DNAH12: variants seen among roughly 807,000 people sequenced by gnomAD.
DNAH12 encodes dynein axonemal heavy chain 12.
In DNAH12, 285 loss-of-function variants were observed where a neutral mutation model predicts 371.5. The observed-to-expected ratio is 0.77, with a 90% CI of 0.70 to 0.85. The LOEUF (loss-of-function observed/expected upper bound fraction) is 0.85, where lower values mean the gene tolerates loss of function less well. DNAH12 is among the 40% of genes least tolerant of loss of function. The pLI is 0.00. For missense variants in DNAH12, 3,611 were observed against 3,689.4 expected, an observed-to-expected ratio of 0.98 and a Z score of 0.55; for synonymous variants, 1,200 against 1,213.0, an observed-to-expected ratio of 0.99 and a Z score of 0.22.
At chr3:57,427,906 G>A (rs1419398651) in intron 34 of DNAH12, among the ~76,000 whole-genome samples, 1 of 151,760 alleles carries the variant, frequency 6.6e-6, no homozygotes, top group Non-Finnish European at 1.5e-5. Flanking sequence ...ATCAATTTCT[G>A]GTTTTTGGGT....
chr3:57,508,371 CG>C lies in DNAH12; in HGVS notation c.701+10del. The C allele has an allele frequency of 6.4e-7, 1 of 1,573,444 alleles. No individual in the cohort carries two copies. Among genetic ancestry groups the C allele is most frequent in the Non-Finnish European group, 8.6e-7 (1 of 1,164,878 alleles). The stretch of plus-strand genomic sequence containing the variant: ...GGAGACATTCAAATTTTAAATTAAA[CG>C]GGATTTTACCTAATTCCTGTGAAGT... On this transcript the variant is annotated intron_variant, in intron 7 of 73. Coordinates refer to ENST00000495027, the MANE Select transcript of DNAH12 (RefSeq NM_001366028.2).
chr3:57,325,879 T>C (rs1238861801), intron 62 of DNAH12, among the ~76,000 whole-genome samples: 1 of 152,090 alleles, frequency 6.6e-6, no homozygotes, highest in Admixed American at 6.5e-5. Context: ...TTAAAGGAGC[T>C]GATGGAGCTG....
rs139067822 is a variant in DNAH12 at position 57,474,111 on chromosome 3, T to C, written c.1651-1440A>G. 6.9e-3 allele frequency among the ~76,000 whole-genome samples: 1,043 copies of C among 152,262 alleles called. 7 individuals carry two copies. The highest frequency in any genetic ancestry group is 0.022 in the African/African-American group (919 of 41,558). On this transcript the variant is annotated intron_variant, in intron 13 of 73. Transcript: ENST00000495027. ...CATCCACTGCTATTCAACATTGTACTAGAGTCCCAGACAGTCCATTGTTGC... is the reference window on the plus strand; with the variant it reads ...CATCCACTGCTATTCAACATTGTACCAGAGTCCCAGACAGTCCATTGTTGC...
At chr3:57,304,661 AC>A (rs1165352496) in intron 69 of DNAH12, among the ~76,000 whole-genome samples, 1 of 152,154 alleles carries the variant, frequency 6.6e-6, no homozygotes, top group African/African-American at 2.4e-5. Context: ...TTATTCACCC[AC>A]GTTTCAGAGG....
At chr3:57,469,616 T>G (rs555732989) in intron 16 of DNAH12, among the ~76,000 whole-genome samples, 1 of 152,150 alleles carries the variant, frequency 6.6e-6, no homozygotes, top group Non-Finnish European at 1.5e-5. Flanking sequence ...TAAAAAAAAT[T>G]TGGTACATAT....
intron 58 of DNAH12, among the ~76,000 whole-genome samples, chr3:57,359,156 C>T (rs1458891671): frequency 2.6e-5 from 4 of 152,168 alleles, no homozygotes; most frequent in Non-Finnish European, 5.9e-5. Flanking sequence ...ACAGTGTTTG[C>T]TAAACTTGAA....
At chr3:57,533,464 G>C (rs2068918921) in intron 2 of DNAH12, among the ~76,000 whole-genome samples, 1 of 151,814 alleles carries the variant, frequency 6.6e-6, no homozygotes, top group Non-Finnish European at 1.5e-5. Flanking sequence ...GATAATTTCA[G>C]ACAAGCCAGC....
In DNAH12 at chr3:57,301,749, AC is replaced by A; in HGVS notation, c.11379del (p.Leu3794Ter). On this transcript the variant is annotated frameshift_variant, in exon 70 of 74. Transcript: ENST00000495027. LOFTEE classifies it high-confidence loss of function. ...ACACATTTTACCTGTAAAAAGTTCA[AC>A]CGGGCTAGGAAATCTGTGATGTAAC... ...LGSYITDFLA[R>X]LNFLQDWYNS... 1 of 1,550,408 alleles carries A rather than the reference AC, an allele frequency of 6.4e-7. No individual in the cohort carries two copies. The highest frequency in any genetic ancestry group is 2.4e-5 in the East Asian group (1 of 40,878).
intron 43 of DNAH12, among the ~76,000 whole-genome samples, chr3:57,395,392 A>T (rs1575540882): frequency 6.6e-6 from 1 of 152,182 alleles, no homozygotes; most frequent in Admixed American, 6.5e-5. Context: ...AGTTATTTTT[A>T]AAAATAACCT....
intron 40 of DNAH12, among the ~76,000 whole-genome samples, chr3:57,407,199 C>T (rs550877966): frequency 2.0e-5 from 3 of 147,384 alleles, no homozygotes; most frequent in East Asian, 2.1e-4. Flanking sequence ...GCCCAGCCAA[C>T]GTTTTTTATT....
chr3:57,366,386 C>T (rs975416501), intron 57 of DNAH12, among the ~76,000 whole-genome samples: 6 of 152,076 alleles, frequency 3.9e-5, no homozygotes, highest in African/African-American at 1.4e-4. Flanking sequence ...TTCTTTTATT[C>T]CTTTACTTTC....
chr3:57,428,490 C>T (rs549612777), intron 34 of DNAH12, 143 bp downstream of exon 34: 2 of 1,529,594 alleles, frequency 1.3e-6, no homozygotes, highest in Admixed American at 2.2e-5. Flanking sequence ...ATAACTTAAG[C>T]AATATAAAAC....
In DNAH12 at chr3:57,504,008, T is replaced by C. The variant is rs2067655502; in HGVS notation, c.1086+8A>G. ...AAAATTCTTTCCCGATGGGTAAAGA[T>C]GTAATACCTGCAGAGCTTCGGCTAT... On this transcript the variant is annotated splice_region_variant and intron_variant, in intron 9 of 73. Coordinates refer to ENST00000495027, the MANE Select transcript of DNAH12 (RefSeq NM_001366028.2). 1 of 1,608,346 alleles carries C rather than the reference T, an allele frequency of 6.2e-7. No individual in the cohort carries two copies. Among genetic ancestry groups the C allele is most frequent in the Non-Finnish European group, 8.5e-7 (1 of 1,176,038 alleles).
chr3:57,526,818 G>A (rs572671474), intron 2 of DNAH12, among the ~76,000 whole-genome samples: 5 of 151,566 alleles, frequency 3.3e-5, no homozygotes, highest in South Asian at 4.2e-4. Context: ...CACTGCGCCC[G>A]GCCTCTTTTT....
At chr3:57,324,939 G>A (rs1422810611) in intron 62 of DNAH12, among the ~76,000 whole-genome samples, 1 of 152,198 alleles carries the variant, frequency 6.6e-6, no homozygotes, top group Non-Finnish European at 1.5e-5. Flanking sequence ...GGCTCAGAGG[G>A]TCCTACGCCC....
chr3:57,345,012 G>C (rs2062504110), intron 60 of DNAH12, among the ~76,000 whole-genome samples: 2 of 144,892 alleles, frequency 1.4e-5, no homozygotes, highest in Admixed American at 7.1e-5. Flanking sequence ...ATTGTTGACT[G>C]AAAATCTTAC....
rs1458589984 is a variant in DNAH12, at chr3:57,433,509, T to C, written c.4840-2A>G. The C allele has an allele frequency of 3.2e-6, 5 of 1,545,332 alleles. No homozygotes were observed. In the South Asian group the frequency reaches 4.9e-5, roughly 15 times the overall value. On this transcript the variant is annotated splice_acceptor_variant, in intron 31 of 73. Transcript: ENST00000495027. LOFTEE classifies it high-confidence loss of function. ...GTTAGCCACAATACCATCAGTCCAC[T>C]GAGGAGGAAAAAAAAGAATTAAAAA...
intron 25 of DNAH12, among the ~76,000 whole-genome samples, chr3:57,447,716 C>T (rs1028623216): frequency 4.6e-5 from 7 of 152,088 alleles, no homozygotes; most frequent in Non-Finnish European, 8.8e-5. Context: ...GCTCTATTAC[C>T]CAGGCTGGAG....
At chr3:57,428,551 C>T in intron 34 of DNAH12, 82 bp downstream of exon 34, 1 of 1,512,190 alleles carries the variant, frequency 6.6e-7, no homozygotes, top group Non-Finnish European at 8.8e-7. Flanking sequence ...GTTATTCATT[C>T]TACCAACCAC....
Sources: allele counts gnomAD v4.1 joint callset (sites outside exome capture counted in the v4.1 genomes callset), GRCh38; gene constraint gnomAD v4.1.1; transcripts MANE v1.5; gene names NCBI Gene and HGNC (gene_info 2026-07-23, HGNC 2026-07-21).